L3MBTL4: variants seen among roughly 807,000 people sequenced by gnomAD.
L3MBTL4 encodes L3MBTL histone methyl-lysine binding protein 4.
L3MBTL4 carries 70 observed loss-of-function variants against 84.5 expected under a neutral mutation model. The ratio of observed to expected loss-of-function variants is 0.83; its 90% CI spans 0.68 to 1.01. The LOEUF is 1.01. Among genes scored for constraint, L3MBTL4 ranks in the 50% least tolerant of loss-of-function variants. L3MBTL4 has a pLI of 0.00. For synonymous variants in L3MBTL4, 274 were observed against 259.8 expected (o/e 1.05, Z -0.52); for missense variants, 715 against 754.8 (o/e 0.95, Z 0.62).
intron 5 of L3MBTL4, among the ~76,000 whole-genome samples, chr18:6,257,473 A>G (rs2048192604): frequency 6.6e-6 from 1 of 152,130 alleles, no homozygotes; most frequent in South Asian, 2.1e-4. Flanking sequence ...AAATCCAGAA[A>G]GAGAAAATGC....
At chr18:6,250,683 A>G (rs1322026400) in intron 5 of L3MBTL4, among the ~76,000 whole-genome samples, 2 of 152,216 alleles carry the variant, frequency 1.3e-5, no homozygotes, top group African/African-American at 2.4e-5. Flanking sequence ...CGAGGCACAC[A>G]TTTTAACATG....
chr18:6,294,064 G>A (rs763991351), intron 4 of L3MBTL4, among the ~76,000 whole-genome samples: 3 of 152,064 alleles, frequency 2.0e-5, no homozygotes, highest in East Asian at 3.9e-4. Flanking sequence ...AGGATTGGTC[G>A]TACTGTGGTT....
At chr18:6,028,319 C>A (rs566664791) in intron 16 of L3MBTL4, among the ~76,000 whole-genome samples, 1 of 152,236 alleles carries the variant, frequency 6.6e-6, no homozygotes, top group East Asian at 1.9e-4. Context: ...GTTGTTTTGT[C>A]AGGTTTGTTG....
rs76610964 is a variant in L3MBTL4 at position 6,279,460 on chromosome 18, G to C, written c.128-15422C>G. 2.5e-4 allele frequency among the ~76,000 whole-genome samples: 38 copies of C among 152,256 alleles called. No homozygotes were observed. In the East Asian group the frequency reaches 7.2e-3, roughly 29 times the overall value. Reference sequence around the variant, plus strand: ...CAGATGGAGGATCACTTTAACAGCAGGACTGAATGCTGAACAGAATTCCTG... The same window carrying C: ...CAGATGGAGGATCACTTTAACAGCACGACTGAATGCTGAACAGAATTCCTG... On this transcript the variant is annotated intron_variant, in intron 4 of 18. Transcript: ENST00000317931.
chr18:6,368,111 G>A (rs2054008994), intron 1 of L3MBTL4, among the ~76,000 whole-genome samples: 1 of 151,880 alleles, frequency 6.6e-6, no homozygotes. Flanking sequence ...AATGCATAAA[G>A]ACCTCAGGCC....
intron 1 of L3MBTL4, among the ~76,000 whole-genome samples, chr18:6,333,663 G>T (rs1189196285): frequency 6.6e-6 from 1 of 151,928 alleles, no homozygotes; most frequent in Non-Finnish European, 1.5e-5. Context: ...GTACACGTAT[G>T]TGTTTACATA....
At chr18:6,053,478 C>G (rs1384982944) in intron 16 of L3MBTL4, among the ~76,000 whole-genome samples, 1 of 152,190 alleles carries the variant, frequency 6.6e-6, no homozygotes, top group South Asian at 2.1e-4. Context: ...GGTACTATCA[C>G]AAAAGGCTGC....
At chr18:6,064,232 C>T (rs1451727354) in intron 16 of L3MBTL4, among the ~76,000 whole-genome samples, 1 of 152,016 alleles carries the variant, frequency 6.6e-6, no homozygotes, top group Non-Finnish European at 1.5e-5. Flanking sequence ...ATTTTTTATA[C>T]CAGTACCATG....
At chr18:6,326,855 G>A (rs906890170) in intron 1 of L3MBTL4, 16 of 152,120 alleles carry the variant, frequency 1.1e-4, no homozygotes, top group Non-Finnish European at 2.2e-4. Flanking sequence ...TCTTACTATA[G>A]GACAGACAGT....
chr18:6,095,054 C>T (rs1222425381), intron 14 of L3MBTL4, among the ~76,000 whole-genome samples: 1 of 152,054 alleles, frequency 6.6e-6, no homozygotes, highest in East Asian at 1.9e-4. Flanking sequence ...TCAGTGAAGA[C>T]GTTAAGACAT....
At chr18:6,325,021 G>A (rs1275869081) in intron 1 of L3MBTL4, among the ~76,000 whole-genome samples, 1 of 152,036 alleles carries the variant, frequency 6.6e-6, no homozygotes. Flanking sequence ...TGTTGGCAAG[G>A]TTGAGGAGCA....
At chr18:6,343,879 T>A (rs1278371810) in intron 1 of L3MBTL4, among the ~76,000 whole-genome samples, 1 of 150,780 alleles carries the variant, frequency 6.6e-6, no homozygotes, top group East Asian at 1.9e-4. Context: ...TACAACATAT[T>A]AAAACTTATG....
chr18:6,296,612 GTTCTA>G, intron 4 of L3MBTL4, among the ~76,000 whole-genome samples: 1 of 152,284 alleles, frequency 6.6e-6, no homozygotes, highest in East Asian at 1.9e-4. Context: ...TAGACTGCAT[GTTCTA>G]TACAGCTGCA....
intron 16 of L3MBTL4, among the ~76,000 whole-genome samples, chr18:6,041,752 T>C (rs2056411468): frequency 6.6e-6 from 1 of 152,030 alleles, no homozygotes; most frequent in Admixed American, 6.6e-5. Flanking sequence ...TTAGATGGGG[T>C]CTCACCCTGT....
intron 4 of L3MBTL4, among the ~76,000 whole-genome samples, chr18:6,285,124 C>T (rs577987704): frequency 3.3e-5 from 5 of 152,246 alleles, no homozygotes; most frequent in African/African-American, 1.2e-4. Flanking sequence ...AGGAGGCGTC[C>T]GCAGAGGGGT....
At chr18:6,016,318 G>A (rs920016618) in intron 16 of L3MBTL4, among the ~76,000 whole-genome samples, 2 of 152,158 alleles carry the variant, frequency 1.3e-5, no homozygotes, top group African/African-American at 4.8e-5. Context: ...ATACTGGGAC[G>A]CCAACTACAA....
intron 1 of L3MBTL4, among the ~76,000 whole-genome samples, chr18:6,409,299 T>A (rs1162456730): frequency 1.3e-5 from 2 of 152,170 alleles, no homozygotes; most frequent in Admixed American, 6.5e-5. Flanking sequence ...TAAATCATCA[T>A]AACAATAATA....
At chr18:6,007,461 C>T (rs184034912) in intron 16 of L3MBTL4, among the ~76,000 whole-genome samples, 137 of 152,114 alleles carry the variant, frequency 9.0e-4, no homozygotes, top group Non-Finnish European at 1.6e-3. Context: ...TGTTTGATAA[C>T]ATGTTTTATT....
chr18:6,115,152 C>G (rs188757350), intron 14 of L3MBTL4, among the ~76,000 whole-genome samples: 20 of 152,220 alleles, frequency 1.3e-4, no homozygotes, highest in Admixed American at 1.2e-3. Context: ...GTTGATGGGC[C>G]TTATAAGCTG....
Sources: gnomAD v4.1 joint callset for allele counts (sites outside exome capture counted in the v4.1 genomes callset) on GRCh38, gnomAD v4.1.1 for gene constraint, MANE v1.5 for transcripts, NCBI Gene and HGNC (gene_info 2026-07-23, HGNC 2026-07-21) for gene names.